Variants in NBEA observed in about 807,000 individuals in gnomAD.
The protein encoded by NBEA is neurobeachin.
NBEA carries 44 observed loss-of-function variants against 343.4 expected under a neutral mutation model. That is an observed-to-expected ratio of 0.13 (90% CI 0.10 to 0.16). The LOEUF is 0.16. Among genes scored for constraint, NBEA ranks in the 10% least tolerant of loss-of-function variants. NBEA has a pLI of 1.00. For synonymous variants in NBEA, 1,175 were observed against 1,238.7 expected (o/e 0.95, Z 1.08); for missense variants, 2,555 against 3,631.3 (o/e 0.70, Z 7.62).
chr13:35,336,191 ACAC>A (rs2039246405), intron 36 of NBEA, among the ~76,000 whole-genome samples: 1 of 152,104 alleles, frequency 6.6e-6, no homozygotes, highest in African/African-American at 2.4e-5. Flanking sequence ...GATAATGAAA[ACAC>A]CAACAAATCC....
At chr13:35,557,311 A>T (rs1184484014) in intron 44 of NBEA, among the ~76,000 whole-genome samples, 1 of 152,090 alleles carries the variant, frequency 6.6e-6, no homozygotes, top group Non-Finnish European at 1.5e-5. Context: ...ACTACCACCC[A>T]CTTCATGCCT....
chr13:35,096,528 C>T (rs1414659495), intron 10 of NBEA, among the ~76,000 whole-genome samples: 1 of 151,830 alleles, frequency 6.6e-6, no homozygotes, highest in Non-Finnish European at 1.5e-5. Context: ...TATAGTAGGG[C>T]GATTTACTGT....
chr13:35,407,716 A>G (rs900570446), intron 38 of NBEA, among the ~76,000 whole-genome samples: 1 of 152,180 alleles, frequency 6.6e-6, no homozygotes, highest in Non-Finnish European at 1.5e-5. Flanking sequence ...TACATCATCA[A>G]CAGTCAAGCC....
chr13:35,109,584 A>C (rs2066083761), intron 12 of NBEA, 142 bp downstream of exon 12: 2 of 681,344 alleles, frequency 2.9e-6, no homozygotes, highest in Non-Finnish European at 4.2e-6. Flanking sequence ...AGGCAGTATC[A>C]GGAGATCAAA....
At chr13:35,310,923 T>G (rs1031495722) in intron 36 of NBEA, among the ~76,000 whole-genome samples, 1 of 152,334 alleles carries the variant, frequency 6.6e-6, no homozygotes, top group Admixed American at 6.5e-5. Context: ...TCACTTAGTA[T>G]TCATTTTTTA....
rs1213909724 is a variant in NBEA at position 35,670,957 on chromosome 13, A to C, written c.8870A>C (p.Asn2957Thr). The change falls in exon 59 of 59, where the codon AAT (asparagine) becomes ACT (threonine). Residue 2957 changes from asparagine to threonine, a missense_variant. This residue lies in a region of NBEA where 186 missense variants were observed against 328.9 expected (regional missense o/e 0.57). Coordinates refer to ENST00000379939, the MANE Select transcript of NBEA (RefSeq NM_001385012.1). ...ATTGTAGCTTTTAATATAGATTTTA[A>C]TCGGTGGCATTATGAGCATCAGAAC... ...GSIVAFNIDF[N>T]RWHYEHQNRY The C allele has an allele frequency of 6.3e-7, 1 of 1,588,986 alleles. No homozygotes were observed. The highest frequency in any genetic ancestry group is 8.6e-7 in the Non-Finnish European group (1 of 1,166,660).
chr13:35,225,266 G>T (rs1436843006), intron 33 of NBEA, among the ~76,000 whole-genome samples: 1 of 152,042 alleles, frequency 6.6e-6, no homozygotes, highest in Non-Finnish European at 1.5e-5. Context: ...ATTTCTACAT[G>T]ATTGGGGATC....
chr13:35,215,523 AAAT>A (rs2074018085), intron 33 of NBEA, among the ~76,000 whole-genome samples: 1 of 151,746 alleles, frequency 6.6e-6, no homozygotes, highest in African/African-American at 2.4e-5. Flanking sequence ...TTATCTTAAA[AAAT>A]AGCAAATCAG....
chr13:35,356,788 G>C (rs1056300367), intron 38 of NBEA, among the ~76,000 whole-genome samples: 3 of 152,096 alleles, frequency 2.0e-5, no homozygotes, highest in Non-Finnish European at 2.9e-5. Context: ...CCTGGCCTCT[G>C]TCTGTTTTGT....
chr13:35,369,156 A>ATTTTTTTT (rs36109768), intron 38 of NBEA, among the ~76,000 whole-genome samples: 1 of 128,320 alleles, frequency 7.8e-6, no homozygotes, highest in African/African-American at 2.9e-5. Context: ...TGCCAGCACC[A>ATTTTTTTT]TTTTTTTTTT....
At position 34,969,505 on chromosome 13, in the gene NBEA, C is replaced by T. The variant is rs376111689; in HGVS notation, c.294+26391C>T. The stretch of plus-strand genomic sequence containing the variant: ...TTTGTTGTGCAGTTTATTTCATCAC[C>T]TAGGTATTAGCCTAGTAGACATTAG... On this transcript the variant is annotated intron_variant, in intron 1 of 58. Coordinates refer to ENST00000379939, the MANE Select transcript of NBEA (RefSeq NM_001385012.1). Among the ~76,000 whole-genome samples, 50 of 152,040 alleles carry T rather than the reference C, an allele frequency of 3.3e-4. 1 individual carries two copies. Among genetic ancestry groups the T allele is most frequent in the South Asian group, 4.1e-4 (2 of 4,820 alleles).
intron 34 of NBEA, among the ~76,000 whole-genome samples, chr13:35,233,844 C>T (rs2075096707): frequency 1.3e-5 from 2 of 152,026 alleles, no homozygotes; most frequent in South Asian, 2.1e-4. Context: ...AAATACAACA[C>T]AGAGAATTGG....
chr13:34,950,952 T>G (rs2059331495), intron 1 of NBEA, among the ~76,000 whole-genome samples: 2 of 152,138 alleles, frequency 1.3e-5, no homozygotes, highest in Non-Finnish European at 2.9e-5. Context: ...GTCACTGCAT[T>G]CCAGCCTGGG....
In NBEA at chr13:35,173,605, T is replaced by A. The variant is rs1364996802; in HGVS notation, c.4554+11T>A. 5 of 1,586,914 alleles carry A rather than the reference T, an allele frequency of 3.2e-6. No individual in the cohort carries two copies. Among genetic ancestry groups the A allele is most frequent in the Middle Eastern group, 1.7e-4 (1 of 5,920 alleles). On this transcript the variant is annotated intron_variant, in intron 27 of 58. Coordinates refer to ENST00000379939, the MANE Select transcript of NBEA (RefSeq NM_001385012.1). ...ACAGCAGCTTCGAAGGTAAGTAAACTTTTTTTCTTGGCCAAATATAATTTA... is the reference window on the plus strand; with the variant it reads ...ACAGCAGCTTCGAAGGTAAGTAAACATTTTTTCTTGGCCAAATATAATTTA...
chr13:35,606,013 T>C (rs947417786), intron 47 of NBEA, among the ~76,000 whole-genome samples: 3 of 152,258 alleles, frequency 2.0e-5, no homozygotes, highest in Admixed American at 2.0e-4. Flanking sequence ...CTATTACAAA[T>C]ACTGGCAATT....
chr13:35,278,782 T>C (rs1057013450), intron 34 of NBEA, among the ~76,000 whole-genome samples: 2 of 152,140 alleles, frequency 1.3e-5, no homozygotes, highest in South Asian at 2.1e-4. Flanking sequence ...TGGCAAACTA[T>C]TTCTTAGATG....
chr13:35,143,291 T>G (rs1593491367), intron 18 of NBEA, among the ~76,000 whole-genome samples: 1 of 152,360 alleles, frequency 6.6e-6, no homozygotes, highest in Middle Eastern at 3.4e-3. Flanking sequence ...TATGCTCTCC[T>G]CACCTTGCAC....
chr13:35,562,191 A>G (rs1056204898), intron 44 of NBEA, among the ~76,000 whole-genome samples: 18 of 152,078 alleles, frequency 1.2e-4, no homozygotes, highest in African/African-American at 4.3e-4. Context: ...TTCTTTAACT[A>G]TTTTTGAAAC....
intron 39 of NBEA, among the ~76,000 whole-genome samples, chr13:35,439,939 G>A (rs949367727): frequency 6.6e-6 from 1 of 152,138 alleles, no homozygotes; most frequent in African/African-American, 2.4e-5. Context: ...GAGTGCAATG[G>A]TGCGATCTTG....
Sources: gnomAD v4.1 joint callset for allele counts (sites outside exome capture counted in the v4.1 genomes callset) on GRCh38, gnomAD v4.1.1 for gene constraint, gnomAD v4.1.1 regional missense constraint, MANE v1.5 for transcripts, NCBI Gene and HGNC (gene_info 2026-07-23, HGNC 2026-07-21) for gene names.